The following SCFD2 variants were observed in gnomAD, a reference collection of about 807,000 sequenced individuals.
The protein encoded by SCFD2 is sec1 family domain containing 2.
In SCFD2, 54 loss-of-function variants were observed where a neutral mutation model predicts 58.9. That is an observed-to-expected ratio of 0.92 (90% CI 0.74 to 1.15). The LOEUF (loss-of-function observed/expected upper bound fraction) is 1.15. Among genes scored for constraint, SCFD2 ranks in the 50% most tolerant of loss-of-function variants. SCFD2 has a pLI of 0.00. For synonymous variants in SCFD2, 321 were observed against 335.9 expected (o/e 0.96, Z 0.49); for missense variants, 805 against 836.6 (o/e 0.96, Z 0.47).
chr4:53,057,628 A>G (rs1723384034), intron 5 of SCFD2, among the ~76,000 whole-genome samples: 1 of 152,120 alleles, frequency 6.6e-6, no homozygotes, highest in African/African-American at 2.4e-5. Flanking sequence ...ACATATACCT[A>G]TGTAACAACC....
At chr4:53,053,027 G>A (rs975554304) in intron 5 of SCFD2, among the ~76,000 whole-genome samples, 1 of 152,182 alleles carries the variant, frequency 6.6e-6, no homozygotes, top group African/African-American at 2.4e-5. Context: ...TTCAAGACTA[G>A]CCTGTTCACC....
At chr4:53,227,090 G>T (rs1470895985) in intron 4 of SCFD2, among the ~76,000 whole-genome samples, 3 of 152,120 alleles carry the variant, frequency 2.0e-5, no homozygotes, top group Non-Finnish European at 2.9e-5. Context: ...TGGAAAGATG[G>T]CCAGTATGTG....
chr4:52,971,815 C>T (rs949102756), intron 5 of SCFD2, among the ~76,000 whole-genome samples: 5 of 152,212 alleles, frequency 3.3e-5, no homozygotes, highest in African/African-American at 1.2e-4. Flanking sequence ...AACAGCAGAT[C>T]TCTCCGCAGA....
intron 5 of SCFD2, among the ~76,000 whole-genome samples, chr4:52,924,668 A>G (rs771083941): frequency 6.6e-6 from 1 of 152,142 alleles, no homozygotes; most frequent in Non-Finnish European, 1.5e-5. Context: ...AATCACATCA[A>G]TCCTCACCAA....
intron 2 of SCFD2, among the ~76,000 whole-genome samples, chr4:53,345,824 A>G (rs1251038056): frequency 6.6e-6 from 1 of 152,128 alleles, no homozygotes; most frequent in African/African-American, 2.4e-5. Context: ...GGAAACCATC[A>G]TTCTCAGCAA....
intron 5 of SCFD2, chr4:52,958,193 A>T (rs1395205221): frequency 6.6e-6 from 1 of 152,270 alleles, no homozygotes; most frequent in Non-Finnish European, 1.5e-5. Flanking sequence ...AAGACACTTT[A>T]AGTCCAATTA....
At chr4:53,293,677 G>T (rs28874576) in intron 3 of SCFD2, among the ~76,000 whole-genome samples, 1 of 151,984 alleles carries the variant, frequency 6.6e-6, no homozygotes, top group African/African-American at 2.4e-5. Context: ...CATAATCAAT[G>T]GCGAACAACT....
At chr4:52,932,974 T>A (rs1577837675) in intron 5 of SCFD2, among the ~76,000 whole-genome samples, 1 of 152,172 alleles carries the variant, frequency 6.6e-6, no homozygotes, top group African/African-American at 2.4e-5. Context: ...CCAGAGAGGG[T>A]TGCCAGTGGG....
chr4:53,036,031 G>A (rs1029244800), intron 5 of SCFD2, among the ~76,000 whole-genome samples: 6 of 151,610 alleles, frequency 4.0e-5, no homozygotes, highest in African/African-American at 7.3e-5. Flanking sequence ...CACCCATATC[G>A]TTTTTGTTTT....
At chr4:53,075,188 A>T (rs1723935708) in intron 5 of SCFD2, among the ~76,000 whole-genome samples, 2 of 152,172 alleles carry the variant, frequency 1.3e-5, no homozygotes, top group South Asian at 4.1e-4. Context: ...CTTAAACCTC[A>T]TGAAACAATT....
chr4:52,957,855 T>C (rs951293171), intron 5 of SCFD2: 1 of 152,242 alleles, frequency 6.6e-6, no homozygotes, highest in African/African-American at 2.4e-5. Flanking sequence ...ACCGAGGTTA[T>C]ACTTACATTT....
Position 53,216,325 on chromosome 4 carries a change from C to T in SCFD2, c.1311+57501G>A, listed in dbSNP as rs983542231. 1.4e-4 allele frequency among the ~76,000 whole-genome samples: 22 copies of T among 152,092 alleles called. 1 individual carries two copies. The highest frequency in any genetic ancestry group is 2.9e-5 in the Non-Finnish European group (2 of 68,018). On this transcript the variant is annotated intron_variant, in intron 4 of 8. Coordinates refer to ENST00000401642, the MANE Select transcript of SCFD2 (RefSeq NM_152540.4). The stretch of plus-strand genomic sequence containing the variant: ...ATTAATTATTGCCTCAATTTCAGAG[C>T]CTGTTATTGGTCTATTCAGAGATTC...
At chr4:53,306,171 T>C (rs1189582762) in intron 3 of SCFD2, among the ~76,000 whole-genome samples, 6 of 152,144 alleles carry the variant, frequency 3.9e-5, no homozygotes, top group Admixed American at 1.3e-4. Flanking sequence ...TACTGAACCA[T>C]AGGAAATGGG....
intron 5 of SCFD2, among the ~76,000 whole-genome samples, chr4:53,056,677 T>C (rs1723350052): frequency 6.6e-6 from 1 of 152,156 alleles, no homozygotes; most frequent in African/African-American, 2.4e-5. Flanking sequence ...TTTCTAATTG[T>C]TCAGTTTCTC....
intron 4 of SCFD2, among the ~76,000 whole-genome samples, chr4:53,207,970 TC>T (rs1331591601): frequency 6.9e-6 from 1 of 144,918 alleles, no homozygotes. Flanking sequence ...TTTTTTTTTT[TC>T]CCCCCATACA....
intron 5 of SCFD2, among the ~76,000 whole-genome samples, chr4:53,101,504 A>G (rs1724831902): frequency 6.6e-6 from 1 of 152,234 alleles, no homozygotes; most frequent in South Asian, 2.1e-4. Context: ...TCTCTGATGC[A>G]TAACACACAG....
At position 53,269,915 on chromosome 4, in the gene SCFD2, A is replaced by G. The variant is rs575015002; in HGVS notation, c.1311+3911T>C. 1.1e-4 allele frequency among the ~76,000 whole-genome samples: 17 copies of G among 152,324 alleles called. No individual in the cohort carries two copies. In the South Asian group the frequency reaches 3.1e-3, roughly 28 times the overall value. ...GTGGTGCACACCCGTAATTCCAGCT[A>G]TTCGGGAGGCTGACATGGGAAAATC... On this transcript the variant is annotated intron_variant, in intron 4 of 8. Transcript: ENST00000401642.
At chr4:53,143,057 AT>A (rs1178354027) in intron 5 of SCFD2, among the ~76,000 whole-genome samples, 1 of 152,242 alleles carries the variant, frequency 6.6e-6, no homozygotes, top group African/African-American at 2.4e-5. Context: ...TTTTCCTAAT[AT>A]TAGTACAAAT....
intron 5 of SCFD2, among the ~76,000 whole-genome samples, chr4:53,132,694 C>T (rs1725818993): frequency 6.6e-6 from 1 of 152,174 alleles, no homozygotes. Context: ...CTTTCACTTA[C>T]TGTAATGAGT....
Sources: allele counts gnomAD v4.1 joint callset (sites outside exome capture counted in the v4.1 genomes callset), GRCh38; gene constraint gnomAD v4.1.1; transcripts MANE v1.5; gene names NCBI Gene and HGNC (gene_info 2026-07-23, HGNC 2026-07-21).